Variants in TRAPPC12 observed in about 807,000 individuals in gnomAD.
The protein encoded by TRAPPC12 is TPR repeat protein 15.
A neutral mutation model predicts 69.2 loss-of-function variants in TRAPPC12; 61 were observed. The ratio of observed to expected loss-of-function variants is 0.88; its 90% CI spans 0.72 to 1.09. The LOEUF is 1.09. Among genes scored for constraint, TRAPPC12 ranks in the 50% least tolerant of loss-of-function variants. The probability of loss-of-function intolerance (pLI) is 0.00; values close to 1 mark genes in which losing one functional copy is unlikely to be tolerated. For synonymous variants in TRAPPC12, 469 were observed against 438.9 expected, an observed-to-expected ratio of 1.07 and a Z score of -0.86; for missense variants, 1,101 against 1,016.4, an observed-to-expected ratio of 1.08 and a Z score of -1.13.
intron 6 of TRAPPC12, among the ~76,000 whole-genome samples, chr2:3,452,351 T>G (rs547221503): frequency 5.3e-4 from 80 of 152,162 alleles, no homozygotes; most frequent in Non-Finnish European, 9.3e-4. Context: ...CCCCTCCACC[T>G]GGTTCTTTTT....
intron 3 of TRAPPC12, among the ~76,000 whole-genome samples, chr2:3,410,562 T>C (rs1250941342): frequency 1.3e-5 from 2 of 152,334 alleles, no homozygotes; most frequent in East Asian, 3.9e-4. Flanking sequence ...CACATGTAAA[T>C]GTTTGATTGG....
chr2:3,415,880 C>G (rs1048189792), intron 3 of TRAPPC12, among the ~76,000 whole-genome samples: 2 of 152,054 alleles, frequency 1.3e-5, no homozygotes, highest in Non-Finnish European at 2.9e-5. Context: ...CCACGCCTGG[C>G]TAATTTTTTG....
chr2:3,447,464 G>A (rs551745379), intron 6 of TRAPPC12, among the ~76,000 whole-genome samples: 56 of 152,256 alleles, frequency 3.7e-4, no homozygotes, highest in Non-Finnish European at 6.9e-4. Flanking sequence ...GAAAGACAGC[G>A]AGAGAGAAGA....
intron 8 of TRAPPC12, chr2:3,463,135 C>A (rs746993274): frequency 3.1e-6 from 1 of 324,218 alleles, no homozygotes; most frequent in Non-Finnish European, 6.3e-6. Flanking sequence ...GTTAAGCTCT[C>A]TTGAGGAGCT....
chr2:3,385,108 T>C (rs539621875), intron 1 of TRAPPC12, among the ~76,000 whole-genome samples: 1 of 152,298 alleles, frequency 6.6e-6, no homozygotes, highest in South Asian at 2.1e-4. Context: ...TGTAGCTTTA[T>C]AATATATGTA....
intron 5 of TRAPPC12, among the ~76,000 whole-genome samples, chr2:3,442,941 T>C (rs1558386777): frequency 6.6e-6 from 1 of 152,264 alleles, no homozygotes; most frequent in Non-Finnish European, 1.5e-5. Flanking sequence ...TCTCTATTCT[T>C]TATCTCATTT....
chr2:3,408,784 C>G (rs1661871607), intron 3 of TRAPPC12, among the ~76,000 whole-genome samples: 1 of 152,168 alleles, frequency 6.6e-6, no homozygotes, highest in Non-Finnish European at 1.5e-5. Context: ...ACTTATGTTA[C>G]TTAGCCAAAA....
intron 6 of TRAPPC12, among the ~76,000 whole-genome samples, chr2:3,451,113 G>A (rs561442185): frequency 5.3e-5 from 8 of 152,348 alleles, no homozygotes; most frequent in Admixed American, 4.6e-4. Context: ...GGTTATATAT[G>A]GAGTCAAGCA....
intron 9 of TRAPPC12, among the ~76,000 whole-genome samples, chr2:3,465,979 C>G (rs1017367891): frequency 6.6e-6 from 1 of 152,198 alleles, no homozygotes; most frequent in Non-Finnish European, 1.5e-5. Flanking sequence ...GCTGCAGTTA[C>G]GAAAGCACTG....
chr2:3,474,648 T>A (rs559242987), intron 9 of TRAPPC12, among the ~76,000 whole-genome samples: 1 of 152,172 alleles, frequency 6.6e-6, no homozygotes, highest in African/African-American at 2.4e-5. Context: ...TTATAAGTGA[T>A]GTTAGTATCT....
intron 6 of TRAPPC12, chr2:3,457,196 G>T: frequency 2.2e-6 from 1 of 446,970 alleles, no homozygotes. Flanking sequence ...AATTAACACA[G>T]AAACAGAAAA....
At chr2:3,396,200 T>C (rs1661121609) in intron 2 of TRAPPC12, among the ~76,000 whole-genome samples, 1 of 152,058 alleles carries the variant, frequency 6.6e-6, no homozygotes, top group Non-Finnish European at 1.5e-5. Flanking sequence ...TTGCCAAATA[T>C]ACAACATATT....
In TRAPPC12 at chr2:3,388,055, C is replaced by G; in HGVS notation, c.432C>G (p.Ala144=). 6.6e-7 allele frequency: 1 copy of G among 1,509,044 alleles called. No homozygotes were observed. The highest frequency in any genetic ancestry group is 1.4e-5 in the African/African-American group (1 of 69,388). 93.5% of individuals were successfully genotyped at this position (1,509,044 alleles called of 1,614,324 possible). A position where few individuals can be genotyped will look rare whatever the true frequency, so the allele number is the denominator to read the frequency against. Residue 144 remains alanine, a synonymous_variant, in exon 2 of 12, where the codon GCC becomes GCG. Coordinates refer to ENST00000324266, the MANE Select transcript of TRAPPC12 (RefSeq NM_016030.6). ...CCCGCGAGGTCCCAGGCAGCGAAGC[C>G]GCGCGCCCGGAGCAGGAGCCTCCCG... ...DAAREVPGSE[A]ARPEQEPPVA... is the part of the protein sequence containing the mutation.
At chr2:3,465,050 C>T (rs375413043) in intron 8 of TRAPPC12, among the ~76,000 whole-genome samples, 22 of 152,352 alleles carry the variant, frequency 1.4e-4, no homozygotes, top group East Asian at 9.6e-4. Flanking sequence ...ACGGAGCACA[C>T]GACATTCACG....
At chr2:3,426,568 C>G (rs555993853) in intron 5 of TRAPPC12, among the ~76,000 whole-genome samples, 1 of 152,224 alleles carries the variant, frequency 6.6e-6, no homozygotes, top group African/African-American at 2.4e-5. Context: ...AGAGGAGTCT[C>G]GGGAACTTGC....
In TRAPPC12 at chr2:3,429,113, T is replaced by C. The variant is rs538682803; in HGVS notation, c.1417+4450T>C. On this transcript the variant is annotated intron_variant, in intron 5 of 11. Coordinates refer to ENST00000324266, the MANE Select transcript of TRAPPC12 (RefSeq NM_016030.6). ...CCTTTCGTGGGTTGTGGGGTAGTCATTGAAAGCTCACATTTGTGTTTAGAA... is the reference window on the plus strand; with the variant it reads ...CCTTTCGTGGGTTGTGGGGTAGTCACTGAAAGCTCACATTTGTGTTTAGAA... 3.5e-4 allele frequency among the ~76,000 whole-genome samples: 54 copies of C among 152,306 alleles called. 1 individual carries two copies. The South Asian group carries it at 0.011, about 30-fold the overall frequency.
At chr2:3,382,656 G>A (rs985565501) in intron 1 of TRAPPC12, among the ~76,000 whole-genome samples, 6 of 152,180 alleles carry the variant, frequency 3.9e-5, no homozygotes, top group Admixed American at 3.9e-4. Context: ...CGAAGCACGT[G>A]GCTCACGCCT....
At chr2:3,394,667 TGA>T (rs1038250561) in intron 2 of TRAPPC12, among the ~76,000 whole-genome samples, 1 of 151,994 alleles carries the variant, frequency 6.6e-6, no homozygotes, top group African/African-American at 2.4e-5. Flanking sequence ...GGTGGATGGC[TGA>T]GAGTCTCCTC....
chr2:3,455,979 C>G (rs530293588), intron 6 of TRAPPC12: 1 of 152,110 alleles, frequency 6.6e-6, no homozygotes, highest in Non-Finnish European at 1.5e-5. Flanking sequence ...CAACTGTGGA[C>G]AAGGGGTGAG....
Sources: allele counts gnomAD v4.1 joint callset (sites outside exome capture counted in the v4.1 genomes callset), GRCh38; gene constraint gnomAD v4.1.1; transcripts MANE v1.5; gene names NCBI Gene and HGNC (gene_info 2026-07-23, HGNC 2026-07-21).